TASOR2: variants seen among roughly 807,000 people sequenced by gnomAD.
TASOR2 encodes the protein protein TASOR 2.
In TASOR2, 84 loss-of-function variants were observed where a neutral mutation model predicts 199.5. The ratio of observed to expected loss-of-function variants is 0.42; its 90% CI spans 0.35 to 0.50. The LOEUF is 0.50. Ranked by LOEUF, TASOR2 falls within the 20% of genes least tolerant of loss-of-function variation. The pLI is 0.02. For missense variants in TASOR2, 2,796 were observed against 2,835.9 expected (o/e 0.99, Z 0.32); for synonymous variants, 1,103 against 1,046.6 (o/e 1.05, Z -1.04).
exon 15 of TASOR2, chr10:5,746,286 A>G (rs746028023): frequency 7.4e-6 from 12 of 1,614,046 alleles, no homozygotes; most frequent in Admixed American, 6.7e-5. Flanking sequence ...GTGAAGAAGA[A>G]ATTGTTCAGC....
intron 16 of TASOR2, 83 bp downstream of exon 17, chr10:5,756,821 A>G (rs1839027179): frequency 2.1e-6 from 3 of 1,438,304 alleles, no homozygotes; most frequent in Admixed American, 4.2e-5. Context: ...CTCTTTTTTT[A>G]TGTAGAAGAG....
At position 5,738,975 on chromosome 10, in the gene TASOR2, A is replaced by T. The variant is rs987835310; in HGVS notation, c.1448-643A>T. On this transcript the variant is annotated intron_variant, in intron 12 of 20. Transcript: ENST00000328090. The surrounding 1 kb of genome is among the most constrained non-coding windows in gnomAD (Gnocchi z 4.7). The stretch of plus-strand genomic sequence containing the variant: ...ATGTAAAAGGTCAATGTTTTTGGTA[A>T]TGAAAGTAAAATTTTAAAAGGTAAT... Among the ~76,000 whole-genome samples, 2 of 152,232 alleles carry T rather than the reference A, an allele frequency of 1.3e-5. No homozygotes were observed. The highest frequency in any genetic ancestry group is 2.9e-5 in the Non-Finnish European group (2 of 68,044).
rs1184365013 is a variant in TASOR2 at position 5,748,932 on chromosome 10, T to C, written c.5511T>C (p.Asp1837=). 3.7e-6 allele frequency: 6 copies of C among 1,614,084 alleles called. No individual in the cohort carries two copies. Among genetic ancestry groups the C allele is most frequent in the South Asian group, 2.2e-5 (2 of 91,078 alleles). ...ATTCTGATCTAGACCTGCTTGGTGA[T>C]TGTAGAAATCCCAGACTGGATTTGG... Residue 1837 remains aspartate, a synonymous_variant, in exon 15 of 21, where the codon GAT becomes GAC. Coordinates refer to ENST00000328090, the Ensembl canonical transcript of TASOR2. This position sits in a 1 kb window ranked among gnomAD's most constrained non-coding sequence, Gnocchi z 5.1.
At position 5,748,387 on chromosome 10, in the gene TASOR2, C is replaced by T; in HGVS notation, c.4966C>T (p.Pro1656Ser). Residue 1656 changes from proline to serine, a missense_variant, in exon 15 of 21, where the codon CCC (proline) becomes TCC (serine). Physicochemically the swap from Pro to Ser is moderately conservative, Grantham distance 74 (BLOSUM62 -1). This residue lies in a region of TASOR2 where 1,941 missense variants were observed against 1,924.9 expected (regional missense o/e 1.01). Coordinates refer to ENST00000328090, the Ensembl canonical transcript of TASOR2. The surrounding 1 kb of genome is among the most constrained non-coding windows in gnomAD (Gnocchi z 5.1). ...ACAGGGATGCATGTGCTCAGTGGTC[C>T]CCACGCTTTGTTCTTCCTCAGACAA... is the stretch of plus-strand genomic sequence containing the variant. The T allele has an allele frequency of 6.2e-7, 1 of 1,614,190 alleles. No individual in the cohort carries two copies.
chr10:5,708,548 TTC>T (rs1315855503), intron 1 of TASOR2, among the ~76,000 whole-genome samples: 1 of 148,268 alleles, frequency 6.7e-6, no homozygotes, highest in Non-Finnish European at 1.5e-5. Context: ...TTCTTTCTCT[TTC>T]TTTCTTTCTT....
rs1217120161 is a variant in TASOR2 at position 5,738,972 on chromosome 10, G to A, written c.1448-646G>A. On this transcript the variant is annotated intron_variant, in intron 12 of 20. Coordinates refer to ENST00000328090, the Ensembl canonical transcript of TASOR2. This position sits in a 1 kb window ranked among gnomAD's most constrained non-coding sequence, Gnocchi z 4.7. ...ATAATGTAAAAGGTCAATGTTTTTG[G>A]TAATGAAAGTAAAATTTTAAAAGGT... Among the ~76,000 whole-genome samples the A allele has an allele frequency of 6.6e-6, 1 of 152,154 alleles. No homozygotes were observed.
At chr10:5,756,314 C>T (rs929792978) in intron 15 of TASOR2, among the ~76,000 whole-genome samples, 2 of 152,196 alleles carry the variant, frequency 1.3e-5, no homozygotes, top group Non-Finnish European at 2.9e-5. Flanking sequence ...ATCTGGTATT[C>T]TCAAGGTAGC....
At chr10:5,694,345 T>C (rs1836878669) in intron 1 of TASOR2, among the ~76,000 whole-genome samples, 1 of 152,194 alleles carries the variant, frequency 6.6e-6, no homozygotes. Flanking sequence ...TCTGGAAAAC[T>C]AATTGATTAA....
Position 5,698,358 on chromosome 10 carries a change from T to TA in TASOR2, c.-288+13190dup, listed in dbSNP as rs570322346. On this transcript the variant is annotated intron_variant, in intron 1 of 20. Coordinates refer to ENST00000328090, the Ensembl canonical transcript of TASOR2. This position sits in a 1 kb window ranked among gnomAD's most constrained non-coding sequence, Gnocchi z 4.4. ...ATGAACACTGTAGAGATGTGAGTGA[T>TA]AAAAAAATGATTGTGGTTGTAAGCC... Among the ~76,000 whole-genome samples the TA allele has an allele frequency of 3.3e-3, 505 of 152,258 alleles. 2 individuals are homozygous for TA. Among genetic ancestry groups the TA allele is most frequent in the African/African-American group, 0.012 (478 of 41,560 alleles).
chr10:5,727,838 A>G (rs1479846175), intron 10 of TASOR2, among the ~76,000 whole-genome samples: 1 of 152,198 alleles, frequency 6.6e-6, no homozygotes, highest in Non-Finnish European at 1.5e-5. Flanking sequence ...ATAATTATTT[A>G]ATGCCTACCC....
At chr10:5,735,801 A>G (rs1037817168) in intron 12 of TASOR2, among the ~76,000 whole-genome samples, 2 of 152,260 alleles carry the variant, frequency 1.3e-5, no homozygotes, top group African/African-American at 2.4e-5. Context: ...TGAATTGTCT[A>G]CAAGCATTAA....
At chr10:5,707,330 T>A (rs1363413746) in intron 1 of TASOR2, among the ~76,000 whole-genome samples, 1 of 152,158 alleles carries the variant, frequency 6.6e-6, no homozygotes, top group Admixed American at 6.5e-5. Flanking sequence ...ATTTATTATT[T>A]CATGTATAAA....
intron 1 of TASOR2, among the ~76,000 whole-genome samples, chr10:5,703,489 T>A (rs1325577443): frequency 6.8e-6 from 1 of 146,252 alleles, no homozygotes; most frequent in Non-Finnish European, 1.5e-5. Flanking sequence ...ATATTGCTAG[T>A]TTAGGTTTTT....
At chr10:5,717,773 C>G in intron 3 of TASOR2, 23 bp downstream of exon 4, 1 of 940,498 alleles carries the variant, frequency 1.1e-6, no homozygotes, top group Non-Finnish European at 1.4e-6. Context: ...TGTGCTGTTA[C>G]GTGATTTCCT....
At position 5,737,427 on chromosome 10, in the gene TASOR2, G is replaced by T. The variant is rs970250238; in HGVS notation, c.1447+1881G>T. The stretch of plus-strand genomic sequence containing the variant: ...CAGTTTTGGCTTCCATACCAGATTT[G>T]AGCTCTTCTGCTTGTCCCTCTCGGG... On this transcript the variant is annotated intron_variant, in intron 12 of 20. Transcript: ENST00000328090. The surrounding 1 kb of genome is among the most constrained non-coding windows in gnomAD (Gnocchi z 4.9). Among the ~76,000 whole-genome samples the T allele has an allele frequency of 2.0e-4, 30 of 150,786 alleles. No homozygotes were observed. The highest frequency in any genetic ancestry group is 6.8e-3 in the Middle Eastern group (2 of 292).
intron 1 of TASOR2, among the ~76,000 whole-genome samples, chr10:5,700,802 G>C (rs529761718): frequency 6.6e-6 from 1 of 151,810 alleles, no homozygotes; most frequent in East Asian, 1.9e-4. Context: ...GTCTGTGTGT[G>C]TGTGTGTGTG....
At chr10:5,721,987 A>G (rs1833417218) in intron 6 of TASOR2, among the ~76,000 whole-genome samples, 1 of 152,254 alleles carries the variant, frequency 6.6e-6, no homozygotes, top group Admixed American at 6.5e-5. Context: ...AGGAGACTAA[A>G]GAGACGTGAT....
chr10:5,762,161 G>GT (rs1227874855), intron 19 of TASOR2, among the ~76,000 whole-genome samples: 1 of 151,570 alleles, frequency 6.6e-6, no homozygotes, highest in East Asian at 1.9e-4. Flanking sequence ...AGCTACTTGG[G>GT]TTAAGGCAGA....
At chr10:5,761,608 G>A in intron 19 of TASOR2, 137 bp downstream of exon 20, 1 of 676,216 alleles carries the variant, frequency 1.5e-6, no homozygotes, top group Non-Finnish European at 2.5e-6. Context: ...ACCCAAATCT[G>A]CTGAAGCTGA....
Sources: allele counts gnomAD v4.1 joint callset (sites outside exome capture counted in the v4.1 genomes callset), GRCh38; gene constraint gnomAD v4.1.1; regional missense constraint gnomAD v4.1.1; non-coding constraint Gnocchi (gnomAD v3.1); transcripts MANE v1.5; gene names NCBI Gene and HGNC (gene_info 2026-07-23, HGNC 2026-07-21).